The following TOX variants were observed in gnomAD, a reference collection of about 807,000 sequenced individuals.
TOX encodes the protein thymocyte selection-associated high mobility group box protein TOX.
A neutral mutation model predicts 53.7 loss-of-function variants in TOX; 11 were observed. The observed-to-expected ratio is 0.20, with a 90% CI of 0.13 to 0.34. The LOEUF (loss-of-function observed/expected upper bound fraction) is 0.34, where lower values mean the gene tolerates loss of function less well. TOX is among the 10% of genes least tolerant of loss of function. The probability of loss-of-function intolerance (pLI) is 1.00; values close to 1 mark genes in which losing one functional copy is unlikely to be tolerated. For synonymous variants in TOX, 225 were observed against 245.3 expected (o/e 0.92, Z 0.77); for missense variants, 570 against 664.6 (o/e 0.86, Z 1.56).
At chr8:58,955,881 C>T (rs1280686400) in intron 2 of TOX, among the ~76,000 whole-genome samples, 5 of 151,878 alleles carry the variant, frequency 3.3e-5, no homozygotes, top group African/African-American at 1.2e-4. Context: ...ATTACAGGTG[C>T]ACTCCACCAT....
chr8:58,956,473 C>T (rs1045140742), intron 2 of TOX, among the ~76,000 whole-genome samples: 15 of 152,122 alleles, frequency 9.9e-5, no homozygotes, highest in Admixed American at 2.6e-4. Context: ...TTATGATATA[C>T]ATATAGATAA....
chr8:59,113,619 C>A (rs1372384120), intron 1 of TOX, among the ~76,000 whole-genome samples: 1 of 152,064 alleles, frequency 6.6e-6, no homozygotes, highest in Non-Finnish European at 1.5e-5. Flanking sequence ...TGATTAGTAT[C>A]CAGTGGAGAA....
intron 3 of TOX, among the ~76,000 whole-genome samples, chr8:58,907,584 G>A (rs189162025): frequency 2.0e-5 from 3 of 152,084 alleles, no homozygotes; most frequent in East Asian, 1.9e-4. Flanking sequence ...GACAGAGGAA[G>A]AGCCTGTCTC....
intron 1 of TOX, among the ~76,000 whole-genome samples, chr8:59,003,792 C>A (rs1428004503): frequency 6.6e-6 from 1 of 152,186 alleles, no homozygotes; most frequent in Non-Finnish European, 1.5e-5. Context: ...AGACTTTGGA[C>A]AGCTATGTCT....
intron 5 of TOX, among the ~76,000 whole-genome samples, chr8:58,830,284 C>G (rs931293187): frequency 1.3e-5 from 2 of 152,036 alleles, no homozygotes; most frequent in East Asian, 3.9e-4. Flanking sequence ...GGTTTTTATT[C>G]CAAGAAAGCT....
chr8:58,828,304 A>G (rs1215888646), intron 5 of TOX, among the ~76,000 whole-genome samples: 2 of 152,240 alleles, frequency 1.3e-5, no homozygotes, highest in Non-Finnish European at 2.9e-5. Flanking sequence ...ACTGTATGAA[A>G]TGAATGTGCT....
chr8:59,056,605 C>T (rs1803893336), intron 1 of TOX, among the ~76,000 whole-genome samples: 2 of 152,096 alleles, frequency 1.3e-5, no homozygotes, highest in South Asian at 4.1e-4. Context: ...AGGATTGAAT[C>T]TGAGCTTATG....
chr8:59,047,273 G>A (rs1333834363), intron 1 of TOX, among the ~76,000 whole-genome samples: 1 of 130,198 alleles, frequency 7.7e-6, no homozygotes. Flanking sequence ...CTGGAGTGCA[G>A]TGGCACGATC....
At chr8:59,077,160 G>A in intron 1 of TOX, among the ~76,000 whole-genome samples, 1 of 152,192 alleles carries the variant, frequency 6.6e-6, no homozygotes. Context: ...CATCTTTGAG[G>A]AAGTTCTACC....
chr8:58,968,420 T>C (rs368178648), intron 1 of TOX, among the ~76,000 whole-genome samples: 1 of 152,248 alleles, frequency 6.6e-6, no homozygotes, highest in Admixed American at 6.5e-5. Context: ...TAGTTGAAAT[T>C]CAGCACAGTT....
At chr8:59,083,722 C>T (rs192592110) in intron 1 of TOX, among the ~76,000 whole-genome samples, 1 of 152,246 alleles carries the variant, frequency 6.6e-6, no homozygotes, top group East Asian at 1.9e-4. Context: ...GAACTCTGCA[C>T]CATGTACATC....
At chr8:59,008,660 G>A (rs1240782657) in intron 1 of TOX, among the ~76,000 whole-genome samples, 1 of 152,200 alleles carries the variant, frequency 6.6e-6, no homozygotes, top group African/African-American at 2.4e-5. Context: ...ACGTCCTGCA[G>A]GGTTCAATGG....
At chr8:59,003,800 T>A (rs574221513) in intron 1 of TOX, among the ~76,000 whole-genome samples, 1 of 152,342 alleles carries the variant, frequency 6.6e-6, no homozygotes, top group African/African-American at 2.4e-5. Flanking sequence ...GACAGCTATG[T>A]CTGGGATGAA....
At chr8:58,853,367 T>A (rs1810858748) in intron 3 of TOX, among the ~76,000 whole-genome samples, 1 of 152,194 alleles carries the variant, frequency 6.6e-6, no homozygotes, top group South Asian at 2.1e-4. Context: ...AAAGCAGCTT[T>A]TACTATTCAA....
At chr8:58,817,633 T>A (rs971506342) in intron 6 of TOX, among the ~76,000 whole-genome samples, 1 of 152,192 alleles carries the variant, frequency 6.6e-6, no homozygotes, top group Admixed American at 6.5e-5. Flanking sequence ...TGGAAAAGTG[T>A]TCGGTATGTT....
intron 1 of TOX, among the ~76,000 whole-genome samples, chr8:59,001,999 A>T (rs1585955724): frequency 9.0e-6 from 1 of 111,134 alleles, no homozygotes; most frequent in Non-Finnish European, 1.7e-5. Context: ...TTTGAGACGG[A>T]GTTTCACTCT....
chr8:59,102,227 G>GTGTTTGTTTGTTTGTTTGTT (rs541711837), intron 1 of TOX, among the ~76,000 whole-genome samples: 135 of 152,178 alleles, frequency 8.9e-4, no homozygotes, highest in African/African-American at 2.4e-3. Context: ...CTCCCGTTTT[G>GTGTTTGTTTGTTTGTTTGTT]TGTTTGTTTG....
intron 1 of TOX, among the ~76,000 whole-genome samples, chr8:59,052,894 T>G (rs1478804143): frequency 6.6e-6 from 1 of 152,206 alleles, no homozygotes; most frequent in Non-Finnish European, 1.5e-5. Flanking sequence ...GTGCCCTACT[T>G]TCGTATCACA....
At chr8:59,060,179 A>T (rs543046798) in intron 1 of TOX, among the ~76,000 whole-genome samples, 64 of 152,268 alleles carry the variant, frequency 4.2e-4, no homozygotes, top group African/African-American at 1.5e-3. Flanking sequence ...TTGATAACAG[A>T]GTGTTTAATT....
Sources: allele counts gnomAD v4.1 joint callset (sites outside exome capture counted in the v4.1 genomes callset), GRCh38; gene constraint gnomAD v4.1.1; transcripts MANE v1.5; gene names NCBI Gene and HGNC (gene_info 2026-07-23, HGNC 2026-07-21).